Variants in RPS6KA2 observed in about 807,000 individuals in gnomAD.
RPS6KA2 encodes the protein ribosomal protein S6 kinase A2, also known as ribosomal protein S6 kinase alpha-2.
RPS6KA2 carries 42 observed loss-of-function variants against 91.8 expected under a neutral mutation model. The observed-to-expected ratio is 0.46, with a 90% confidence interval of 0.36 to 0.59. The LOEUF is 0.59. RPS6KA2 is among the 20% of genes least tolerant of loss of function. The pLI, the probability that RPS6KA2 is intolerant of heterozygous loss-of-function variation, is 0.00. For missense variants in RPS6KA2, 798 were observed against 978.5 expected (o/e 0.82, Z 2.46); for synonymous variants, 414 against 393.6 (o/e 1.05, Z -0.61).
chr6:166,717,199 T>C (rs4709128), intron 2 of RPS6KA2, among the ~76,000 whole-genome samples: 128,861 of 152,236 alleles, frequency 0.85, 54,988 homozygotes, highest in East Asian at 0.96. Context: ...GGCTCAGGTT[T>C]TGCAAGGGGG....
rs969170340 is a variant in RPS6KA2 at position 166,733,890 on chromosome 6, T to C, written c.123+124310A>G. ...AGTAAACCAATAGAAAGAGAAATGGTAAAATGAAAAACTGAGATTTCTAAG... is the reference window on the plus strand; with the variant it reads ...AGTAAACCAATAGAAAGAGAAATGGCAAAATGAAAAACTGAGATTTCTAAG... On this transcript the variant is annotated intron_variant, in intron 2 of 21. Transcript: ENST00000503859. This position sits in a 1 kb window ranked among gnomAD's most constrained non-coding sequence, Gnocchi z 4.1. Among the ~76,000 whole-genome samples, 2 of 152,082 alleles carry C rather than the reference T, an allele frequency of 1.3e-5. No individual in the cohort carries two copies. Among genetic ancestry groups the C allele is most frequent in the Non-Finnish European group, 2.9e-5 (2 of 68,008 alleles).
At chr6:166,744,814 A>G (rs1211640178) in intron 2 of RPS6KA2, among the ~76,000 whole-genome samples, 1 of 152,140 alleles carries the variant, frequency 6.6e-6, no homozygotes, top group African/African-American at 2.4e-5. Context: ...AGTTGAAGAC[A>G]CTAGAGGGAG....
chr6:166,455,748 C>T (rs1328704036), intron 12 of RPS6KA2, among the ~76,000 whole-genome samples: 1 of 152,232 alleles, frequency 6.6e-6, no homozygotes, highest in African/African-American at 2.4e-5. Context: ...ACCCGGTTTG[C>T]TCTCTGCACA....
At chr6:166,696,166 G>A (rs1034045099) in intron 2 of RPS6KA2, among the ~76,000 whole-genome samples, 3 of 152,198 alleles carry the variant, frequency 2.0e-5, no homozygotes, top group Non-Finnish European at 4.4e-5. Flanking sequence ...GAGCCGGAGT[G>A]GGATTAGCAG....
At chr6:166,529,537 T>C (rs1428107429) in intron 3 of RPS6KA2, among the ~76,000 whole-genome samples, 2 of 152,152 alleles carry the variant, frequency 1.3e-5, no homozygotes, top group Non-Finnish European at 2.9e-5. Flanking sequence ...AACCTGCACG[T>C]TGTGCACGTG....
intron 2 of RPS6KA2, among the ~76,000 whole-genome samples, chr6:166,745,601 G>A (rs201670632): frequency 6.6e-5 from 10 of 152,166 alleles, no homozygotes; most frequent in East Asian, 1.9e-4. Flanking sequence ...ATACATTTGC[G>A]AGGGCACAGT....
chr6:166,483,594 T>C (rs1200025381), intron 10 of RPS6KA2, among the ~76,000 whole-genome samples: 1 of 152,256 alleles, frequency 6.6e-6, no homozygotes, highest in African/African-American at 2.4e-5. Flanking sequence ...GGCCTTTTTT[T>C]CCTCTTTTTA....
At chr6:166,703,726 T>C (rs1789598798) in intron 2 of RPS6KA2, among the ~76,000 whole-genome samples, 1 of 152,218 alleles carries the variant, frequency 6.6e-6, no homozygotes, top group African/African-American at 2.4e-5. Flanking sequence ...CAGGATTTTG[T>C]TTAGAAGAAT....
chr6:166,527,215 C>A (rs1316269675), intron 3 of RPS6KA2, among the ~76,000 whole-genome samples: 3 of 152,226 alleles, frequency 2.0e-5, no homozygotes, highest in African/African-American at 7.2e-5. Context: ...CAGATTCCAG[C>A]TGCATTCCCA....
intron 12 of RPS6KA2, 22 bp from the exon 13 acceptor site, chr6:166,451,255 T>A (rs1779905452): frequency 1.2e-6 from 2 of 1,612,556 alleles, no homozygotes; most frequent in Non-Finnish European, 8.5e-7. Context: ...AGGGGCAGAG[T>A]TCAGATGCCA....
chr6:166,774,439 C>A (rs985766833), intron 2 of RPS6KA2, among the ~76,000 whole-genome samples: 1 of 152,150 alleles, frequency 6.6e-6, no homozygotes, highest in South Asian at 2.1e-4. Flanking sequence ...CTTTACCCAG[C>A]GAGCGTCCCG....
intron 13 of RPS6KA2, 68 bp downstream of exon 13, chr6:166,451,035 G>A: frequency 6.3e-7 from 1 of 1,594,516 alleles, no homozygotes; most frequent in Non-Finnish European, 8.6e-7. Flanking sequence ...AGGCCACAGG[G>A]AACACCAGAG....
intron 1 of RPS6KA2, among the ~76,000 whole-genome samples, chr6:166,539,516 C>T (rs561481512): frequency 5.3e-5 from 8 of 152,316 alleles, no homozygotes; most frequent in African/African-American, 1.7e-4. Flanking sequence ...TTCTGATTCA[C>T]GCTATCCCTG....
intron 2 of RPS6KA2, among the ~76,000 whole-genome samples, chr6:166,682,981 T>C (rs367723703): frequency 4.5e-4 from 68 of 152,278 alleles, no homozygotes; most frequent in African/African-American, 1.6e-3. Context: ...AAGGCATGAA[T>C]GAAGAAATGC....
chr6:166,562,329 A>G (rs1784369511), intron 1 of RPS6KA2, among the ~76,000 whole-genome samples: 1 of 152,158 alleles, frequency 6.6e-6, no homozygotes, highest in African/African-American at 2.4e-5. Flanking sequence ...AGTGTTGGTG[A>G]TCAGACACTA....
At chr6:166,591,383 C>T (rs1198797178) in intron 1 of RPS6KA2, among the ~76,000 whole-genome samples, 2 of 152,092 alleles carry the variant, frequency 1.3e-5, no homozygotes, top group African/African-American at 4.8e-5. Flanking sequence ...GTGCCCCCCA[C>T]CCCTGAAAAA....
intron 2 of RPS6KA2, among the ~76,000 whole-genome samples, chr6:166,657,978 G>A (rs1350701735): frequency 6.6e-6 from 1 of 152,178 alleles, no homozygotes; most frequent in Non-Finnish European, 1.5e-5. Context: ...CCACCTCCCC[G>A]GTTCAAGCGA....
intron 2 of RPS6KA2, among the ~76,000 whole-genome samples, chr6:166,743,050 A>AG (rs2128593487): frequency 6.6e-6 from 1 of 152,360 alleles, no homozygotes; most frequent in South Asian, 2.1e-4. Flanking sequence ...GTAACAAAAG[A>AG]GGACAAGAAT....
In RPS6KA2 at chr6:166,538,772, CG is replaced by C; in HGVS notation, c.111del (p.Val38Ter). 3 of 1,591,320 alleles carry C rather than the reference CG, an allele frequency of 1.9e-6. No individual in the cohort carries two copies. Among genetic ancestry groups the C allele is most frequent in the Non-Finnish European group, 1.7e-6 (2 of 1,159,610 alleles). On this transcript the variant is annotated frameshift_variant, in exon 2 of 21. Coordinates refer to ENST00000265678, the MANE Select transcript of RPS6KA2 (RefSeq NM_021135.6). LOFTEE classifies it high-confidence loss of function. ...TGATGGCTGATGTCTATCTCCTTCA[CG>C]ACGCCTTCTTCCTGCAAGAGAGCGG... is the stretch of plus-strand genomic sequence containing the variant. Reference protein sequence around the residue: ...SSLSRLEEEGVVKEIDISHHV... With the variant: ...SSLSRLEEEGXVKEIDISHHV...
Sources: gnomAD v4.1 joint callset for allele counts (sites outside exome capture counted in the v4.1 genomes callset) on GRCh38, gnomAD v4.1.1 for gene constraint, Gnocchi (gnomAD v3.1) non-coding constraint, MANE v1.5 for transcripts, NCBI Gene and HGNC (gene_info 2026-07-23, HGNC 2026-07-21) for gene names.